Variants in RIMBP2 observed in about 807,000 individuals in gnomAD.
The protein encoded by RIMBP2 is RIMS-binding protein 2.
In RIMBP2, 48 loss-of-function variants were observed where a neutral mutation model predicts 118.6. The ratio of observed to expected loss-of-function variants is 0.40; its 90% confidence interval spans 0.32 to 0.51. The LOEUF is 0.51. Among genes scored for constraint, RIMBP2 ranks in the 20% least tolerant of loss-of-function variants. The pLI is 0.41. For missense variants in RIMBP2, 1,551 were observed against 1,768.3 expected (o/e 0.88, Z 2.20); for synonymous variants, 762 against 742.9 (o/e 1.03, Z -0.42).
chr12:130,464,277 G>A (rs2080260308), intron 6 of RIMBP2, among the ~76,000 whole-genome samples: 1 of 152,214 alleles, frequency 6.6e-6, no homozygotes, highest in African/African-American at 2.4e-5. Flanking sequence ...ACCCTCTCTT[G>A]GGGTCTGGAT....
intron 2 of RIMBP2, among the ~76,000 whole-genome samples, chr12:130,606,502 C>T (rs1488037608): frequency 2.0e-5 from 3 of 152,158 alleles, no homozygotes; most frequent in African/African-American, 2.4e-5. Context: ...GCTGTGGAGG[C>T]GGGGAGGAGT....
At chr12:130,574,265 T>C (rs1382806244) in intron 2 of RIMBP2, among the ~76,000 whole-genome samples, 1 of 151,330 alleles carries the variant, frequency 6.6e-6, no homozygotes, top group African/African-American at 2.4e-5. Flanking sequence ...AGCTGTCCTG[T>C]TGGGGGGGTG....
intron 1 of RIMBP2, among the ~76,000 whole-genome samples, chr12:130,667,083 T>TCG (rs2063969325): frequency 3.7e-5 from 1 of 27,376 alleles, no homozygotes; most frequent in African/African-American, 1.5e-4. Flanking sequence ...GAGGAAAAAA[T>TCG]GAGGGAGGGA....
chr12:130,682,411 G>A (rs57025625), intron 1 of RIMBP2, among the ~76,000 whole-genome samples: 38,478 of 152,182 alleles, frequency 0.25, 5,231 homozygotes, highest in South Asian at 0.35. Context: ...AGGGGGAAAT[G>A]AACGGGCTGT....
At chr12:130,494,907 C>T (rs1179977628) in intron 4 of RIMBP2, among the ~76,000 whole-genome samples, 1 of 152,202 alleles carries the variant, frequency 6.6e-6, no homozygotes, top group African/African-American at 2.4e-5. Context: ...ATCCAGGTGT[C>T]GGCAGGGCCG....
chr12:130,422,489 G>A lies in RIMBP2; in HGVS notation c.3202C>T (p.Pro1068Ser). ...GRRFPRGSAG[P>S]QRSRPVTVPS... ...ACTGTCACGGGCCGGGACCTCTGAG[G>A]ACCAGCGCTGCCACGGGGAAACCTC... is the stretch of plus-strand genomic sequence containing the variant. The change falls in exon 17 of 23, where the codon CCT becomes TCT. Residue 1068 changes from proline to serine, a missense_variant. Transcript: ENST00000690449. The surrounding 1 kb of genome is among the most constrained non-coding windows in gnomAD (Gnocchi z 5.2). The A allele has an allele frequency of 6.2e-7, 1 of 1,613,208 alleles. No homozygotes were observed. The highest frequency in any genetic ancestry group is 8.5e-7 in the Non-Finnish European group (1 of 1,179,450).
rs58090877 is a variant in RIMBP2, at chr12:130,582,172, G to T, written c.-217+46150C>A. 1.8e-3 allele frequency among the ~76,000 whole-genome samples: 280 copies of T among 152,258 alleles called. 2 individuals carry two copies. Among genetic ancestry groups the T allele is most frequent in the African/African-American group, 6.5e-3 (272 of 41,538 alleles). On this transcript the variant is annotated intron_variant, in intron 2 of 22. Transcript: ENST00000690449. ...ATAGCACTCCCTACCTTTGAATACAGCAGATGCCTTTACTCATTTATTTTG... is the reference window on the plus strand; with the variant it reads ...ATAGCACTCCCTACCTTTGAATACATCAGATGCCTTTACTCATTTATTTTG...
chr12:130,666,878 A>G (rs1444061410), intron 1 of RIMBP2, among the ~76,000 whole-genome samples: 6 of 126,938 alleles, frequency 4.7e-5, no homozygotes, highest in Non-Finnish European at 8.3e-5. Context: ...GAGAGAAGGA[A>G]GAAGGGAAGG....
At chr12:130,654,969 C>T (rs371728264) in intron 1 of RIMBP2, among the ~76,000 whole-genome samples, 1 of 152,200 alleles carries the variant, frequency 6.6e-6, no homozygotes, top group Non-Finnish European at 1.5e-5. Flanking sequence ...GGATAGTGCC[C>T]AGCCATTCAT....
At chr12:130,463,567 C>A (rs12322663) in intron 6 of RIMBP2, among the ~76,000 whole-genome samples, 1 of 152,090 alleles carries the variant, frequency 6.6e-6, no homozygotes, top group African/African-American at 2.4e-5. Context: ...GATAAGCAGG[C>A]GCTGTGCTGG....
chr12:130,658,372 G>A (rs2063514631), intron 1 of RIMBP2: 1 of 152,182 alleles, frequency 6.6e-6, no homozygotes, highest in Non-Finnish European at 1.5e-5. Flanking sequence ...CCTACCTTCT[G>A]GGCAAGAACA....
chr12:130,709,417 A>T (rs1352504783), intron 1 of RIMBP2, among the ~76,000 whole-genome samples: 1 of 152,196 alleles, frequency 6.6e-6, no homozygotes, highest in Non-Finnish European at 1.5e-5. Context: ...TCTGGGCGTG[A>T]CGCCCGACAG....
rs1165915338 is a variant in RIMBP2, at chr12:130,620,448, CAG to C, written c.-217+7872_-217+7873del. Among the ~76,000 whole-genome samples the C allele has an allele frequency of 6.6e-6, 1 of 152,168 alleles. No homozygotes were observed. Among genetic ancestry groups the C allele is most frequent in the East Asian group, 1.9e-4 (1 of 5,180 alleles). ...AGCACCAGGTTCTGCTGCGTGCAAC[CAG>C]AGACCTCACGTTAGTTTCCTCCAGC... On this transcript the variant is annotated intron_variant, in intron 2 of 22. Coordinates refer to ENST00000690449, the MANE Select transcript of RIMBP2 (RefSeq NM_001393629.1). The surrounding 1 kb of genome is among the most constrained non-coding windows in gnomAD (Gnocchi z 5.3).
chr12:130,471,244 C>G (rs2137887325), intron 5 of RIMBP2, among the ~76,000 whole-genome samples: 1 of 152,334 alleles, frequency 6.6e-6, no homozygotes, highest in Non-Finnish European at 1.5e-5. Context: ...GCCATCTGGG[C>G]CCCACAGAAT....
chr12:130,535,241 C>T lies in RIMBP2; in HGVS notation c.-216-17324G>A, dbSNP rs139643799. On this transcript the variant is annotated intron_variant, in intron 2 of 22. Transcript: ENST00000690449. ...CAGCTGGGTGCAGTGGCTCACGCTC[C>T]TAATCCCAGTGCTTTGGGAGTCCGA... Among the ~76,000 whole-genome samples the T allele has an allele frequency of 2.9e-3, 445 of 152,202 alleles. 2 individuals carry two copies. Among genetic ancestry groups the T allele is most frequent in the Non-Finnish European group, 4.4e-3 (298 of 68,016 alleles).
In RIMBP2 at chr12:130,622,736, C is replaced by G. The variant is rs765321521; in HGVS notation, c.-217+5586G>C. Among the ~76,000 whole-genome samples the G allele has an allele frequency of 6.6e-6, 1 of 152,182 alleles. No homozygotes were observed. Among genetic ancestry groups the G allele is most frequent in the Non-Finnish European group, 1.5e-5 (1 of 68,030 alleles). On this transcript the variant is annotated intron_variant, in intron 2 of 22. Transcript: ENST00000690449. The surrounding 1 kb of genome is among the most constrained non-coding windows in gnomAD (Gnocchi z 8.5). Reference sequence around the variant, plus strand: ...TCTATTTTATTGCCTGTACAACACTCTTGGAAATATTGGGCTAGTTGGCAG... The same window carrying G: ...TCTATTTTATTGCCTGTACAACACTGTTGGAAATATTGGGCTAGTTGGCAG...
chr12:130,470,568 T>A (rs1027530986), intron 6 of RIMBP2, 125 bp downstream of exon 6: 8 of 458,608 alleles, frequency 1.7e-5, no homozygotes, highest in Non-Finnish European at 1.8e-5. Flanking sequence ...GACACATGAA[T>A]GGCATCTAGT....
rs186400036 is a variant in RIMBP2 at position 130,631,094 on chromosome 12, A to G, written c.-351-2638T>C. On this transcript the variant is annotated intron_variant, in intron 1 of 22. Coordinates refer to ENST00000690449, the MANE Select transcript of RIMBP2 (RefSeq NM_001393629.1). ...ATGGGTTTGAAACAAGATTACAAAG[A>G]GCTTTAGAAATAAAGAATCTAGAGA... Among the ~76,000 whole-genome samples the G allele has an allele frequency of 1.9e-3, 287 of 152,358 alleles. 1 individual carries two copies. Among genetic ancestry groups the G allele is most frequent in the African/African-American group, 6.4e-3 (265 of 41,590 alleles).
intron 6 of RIMBP2, among the ~76,000 whole-genome samples, chr12:130,459,248 G>A (rs2895135): frequency 0.25 from 37,566 of 150,284 alleles, 5,779 homozygotes; most frequent in Non-Finnish European, 0.33. Context: ...TGGTGGTTAC[G>A]AGAATCTGTA....
Sources: gnomAD v4.1 joint callset for allele counts (sites outside exome capture counted in the v4.1 genomes callset) on GRCh38, gnomAD v4.1.1 for gene constraint, Gnocchi (gnomAD v3.1) non-coding constraint, MANE v1.5 for transcripts, NCBI Gene and HGNC (gene_info 2026-07-23, HGNC 2026-07-21) for gene names.